COG5: variants seen among roughly 807,000 people sequenced by gnomAD.
COG5 encodes the protein conserved oligomeric Golgi complex subunit 5.
In COG5, 86 loss-of-function variants were observed where a neutral mutation model predicts 110.4. The observed-to-expected ratio is 0.78, with a 90% CI of 0.65 to 0.93. The LOEUF (loss-of-function observed/expected upper bound fraction) is 0.93, where lower values mean the gene tolerates loss of function less well. Ranked by LOEUF, COG5 falls within the 40% of genes least tolerant of loss-of-function variation. The pLI is 0.00. For synonymous variants in COG5, 360 were observed against 334.6 expected (o/e 1.08, Z -0.83); for missense variants, 1,077 against 987.0 (o/e 1.09, Z -1.22).
chr7:107,398,487 G>T (rs569022088), intron 7 of COG5, among the ~76,000 whole-genome samples: 1 of 152,084 alleles, frequency 6.6e-6, no homozygotes, highest in African/African-American at 2.4e-5. Context: ...AACTGCACAC[G>T]CGAGGGACAT....
chr7:107,486,186 G>C (rs1304105313), intron 6 of COG5, among the ~76,000 whole-genome samples: 4 of 151,976 alleles, frequency 2.6e-5, no homozygotes, highest in Non-Finnish European at 5.9e-5. Context: ...AGACTTACCA[G>C]TATGGAAGTG....
intron 19 of COG5, among the ~76,000 whole-genome samples, chr7:107,220,773 G>C (rs1799857580): frequency 6.6e-6 from 1 of 151,968 alleles, no homozygotes; most frequent in African/African-American, 2.4e-5. Flanking sequence ...GGCCCTGAAA[G>C]GGGACTTTGA....
intron 19 of COG5, among the ~76,000 whole-genome samples, chr7:107,229,538 C>T (rs1800614021): frequency 6.6e-6 from 1 of 152,158 alleles, no homozygotes; most frequent in African/African-American, 2.4e-5. Context: ...TGAATAACAT[C>T]TCCTTATCTT....
At chr7:107,562,142 C>G (rs1803852909) in intron 1 of COG5, among the ~76,000 whole-genome samples, 1 of 152,146 alleles carries the variant, frequency 6.6e-6, no homozygotes, top group South Asian at 2.1e-4. Flanking sequence ...TCCTCTTTTT[C>G]TCCCCAGGGA....
At chr7:107,343,524 T>C in intron 10 of COG5, among the ~76,000 whole-genome samples, 1 of 151,724 alleles carries the variant, frequency 6.6e-6, no homozygotes. Context: ...CTATAAAAAA[T>C]ACAAAAATTA....
chr7:107,273,957 T>A (rs1292715077), intron 14 of COG5, among the ~76,000 whole-genome samples: 2 of 152,150 alleles, frequency 1.3e-5, no homozygotes, highest in African/African-American at 4.8e-5. Context: ...TTAAAAGCCA[T>A]ATAGGAAAAA....
intron 6 of COG5, among the ~76,000 whole-genome samples, chr7:107,514,011 C>T (rs893890891): frequency 6.6e-5 from 10 of 151,760 alleles, no homozygotes; most frequent in Non-Finnish European, 1.5e-4. Context: ...AACAAACCTG[C>T]ACATTGTGCA....
At position 107,207,846 on chromosome 7, in the gene COG5, G is replaced by A. The variant is rs1798889019; in HGVS notation, c.2375+2680C>T. 4.1e-6 allele frequency: 4 copies of A among 985,258 alleles called. No homozygotes were observed. In the South Asian group the frequency reaches 1.4e-4, roughly 35 times the overall value. 61.0% of individuals were successfully genotyped at this position (985,258 alleles called of 1,614,324 possible). ...GTGTCAGAAGAAAACAGGAAGGCAG[G>A]ATGGTTCACTATTTCCCATTTATTC... On this transcript the variant is annotated intron_variant, in intron 21 of 21. Transcript: ENST00000297135.
intron 5 of COG5, among the ~76,000 whole-genome samples, chr7:107,533,278 C>T (rs371519588): frequency 7.9e-5 from 12 of 151,498 alleles, no homozygotes; most frequent in South Asian, 2.1e-4. Context: ...AGGATCACAA[C>T]GCCTCACCAG....
chr7:107,533,829 C>T (rs776900747), intron 5 of COG5, among the ~76,000 whole-genome samples: 1 of 151,470 alleles, frequency 6.6e-6, no homozygotes, highest in Non-Finnish European at 1.5e-5. Context: ...CACTAAGATA[C>T]TCCTCAAGAA....
chr7:107,222,268 C>T (rs1281175624), intron 19 of COG5, among the ~76,000 whole-genome samples: 5 of 151,706 alleles, frequency 3.3e-5, no homozygotes, highest in East Asian at 1.9e-4. Flanking sequence ...GGCATTATCT[C>T]GGCTCACTGC....
At chr7:107,362,490 T>C in intron 8 of COG5, 70 bp from the exon 9 acceptor site, 3 of 930,820 alleles carry the variant, frequency 3.2e-6, no homozygotes, top group Non-Finnish European at 5.0e-6. Context: ...TATATGTTAT[T>C]ATAAAAACCA....
At chr7:107,292,797 T>G (rs1806286814) in intron 12 of COG5, among the ~76,000 whole-genome samples, 1 of 152,218 alleles carries the variant, frequency 6.6e-6, no homozygotes, top group Admixed American at 6.5e-5. Flanking sequence ...AGTAATTTAC[T>G]GAGGCTCCAG....
chr7:107,236,442 C>T lies in COG5; in HGVS notation c.2091+8G>A. 1 of 1,594,362 alleles carries T rather than the reference C, an allele frequency of 6.3e-7. No homozygotes were observed. Among genetic ancestry groups the T allele is most frequent in the Non-Finnish European group, 8.6e-7 (1 of 1,162,004 alleles). On this transcript the variant is annotated splice_region_variant and intron_variant, in intron 18 of 21. Coordinates refer to ENST00000297135, the MANE Select transcript of COG5 (RefSeq NM_006348.5). ...CATTTTTTCTTTTGTAGTAATTCAT[C>T]AATGTACCTGTGCAAAATCAGCAGC... is the stretch of plus-strand genomic sequence containing the variant.
intron 6 of COG5, among the ~76,000 whole-genome samples, chr7:107,481,438 T>G (rs978898290): frequency 1.8e-4 from 27 of 152,136 alleles, no homozygotes; most frequent in African/African-American, 4.6e-4. Flanking sequence ...AAACGTAGAC[T>G]GTAGGAGTGA....
rs551885561 is a variant in COG5, at chr7:107,219,680, G to T, written c.2169-8455C>A. On this transcript the variant is annotated intron_variant, in intron 19 of 21. Transcript: ENST00000297135. ...AGAATGGTAGTTACCAGAGGCTAAG[G>T]GGGGAGGAAATGGGGAGGTTTTAGT... 2.0e-3 allele frequency among the ~76,000 whole-genome samples: 308 copies of T among 152,232 alleles called. 3 individuals are homozygous for T. Among genetic ancestry groups the T allele is most frequent in the African/African-American group, 7.0e-3 (291 of 41,538 alleles).
intron 10 of COG5, among the ~76,000 whole-genome samples, chr7:107,349,931 A>AC (rs1388024168): frequency 6.6e-6 from 1 of 151,800 alleles, no homozygotes; most frequent in Non-Finnish European, 1.5e-5. Flanking sequence ...AACTCAATTG[A>AC]CCCAACCCGC....
chr7:107,542,558 T>C (rs933341772), intron 5 of COG5, among the ~76,000 whole-genome samples: 10 of 152,240 alleles, frequency 6.6e-5, no homozygotes, highest in African/African-American at 2.2e-4. Context: ...AGCCAACATA[T>C]ATTTGTAAAA....
chr7:107,562,566 G>T (rs1389426897), intron 1 of COG5, among the ~76,000 whole-genome samples: 1 of 152,094 alleles, frequency 6.6e-6, no homozygotes, highest in Non-Finnish European at 1.5e-5. Flanking sequence ...CTACTTGAGG[G>T]CAAAAATTGC....
Sources: allele counts gnomAD v4.1 joint callset (sites outside exome capture counted in the v4.1 genomes callset), GRCh38; gene constraint gnomAD v4.1.1; transcripts MANE v1.5; gene names NCBI Gene and HGNC (gene_info 2026-07-23, HGNC 2026-07-21).